MUC17: variants seen among roughly 807,000 people sequenced by gnomAD.
MUC17 encodes the protein mucin 17, cell surface associated.
MUC17 carries 190 observed loss-of-function variants against 170.3 expected under a neutral mutation model. The observed-to-expected ratio is 1.12, with a 90% CI of 0.99 to 1.26. MUC17 has a LOEUF of 1.26. Ranked by LOEUF, MUC17 falls within the 50% of genes most tolerant of loss-of-function variation. MUC17 has a pLI of 0.00. For synonymous variants in MUC17, 2,325 were observed against 2,002.5 expected (o/e 1.16, Z -4.30); for missense variants, 6,415 against 5,530.0 (o/e 1.16, Z -5.08).
rs755975956 is a variant in MUC17, at chr7:101,032,229, T to C, written c.813T>C (p.Ser271=). 2.5e-6 allele frequency: 4 copies of C among 1,614,050 alleles called. No individual in the cohort carries two copies. Among genetic ancestry groups the C allele is most frequent in the South Asian group, 2.2e-5 (2 of 91,080 alleles). The change falls in exon 3 of 13, where the codon AGT becomes AGC. Residue 271 remains serine, a synonymous_variant. Coordinates refer to ENST00000306151, the MANE Select transcript of MUC17 (RefSeq NM_001040105.2). ...EGPSLSNSAP[S]GGSTPLTRMP... Reference sequence around the variant, plus strand: ...CCAGCCTGTCAAACTCAGCTCCTAGTGGAGGAAGCACTCCATTAACAAGAA... The same window carrying C: ...CCAGCCTGTCAAACTCAGCTCCTAGCGGAGGAAGCACTCCATTAACAAGAA...
chr7:101,050,355 C>T, intron 6 of MUC17, 129 bp from the exon 7 acceptor site: 2 of 1,347,918 alleles, frequency 1.5e-6, no homozygotes, highest in South Asian at 1.5e-5. Flanking sequence ...AGGACAGAGT[C>T]ATCACCCCAA....
Position 101,032,238 on chromosome 7 carries a change from C to A in MUC17, c.822C>A (p.Ser274Arg). The change falls in exon 3 of 13, where the codon AGC becomes AGA. Residue 274 changes from serine (S) to arginine (R), a missense_variant. Transcript: ENST00000306151. ...SLSNSAPSGG[S>R]TPLTRMPLSV... is the part of the protein sequence containing the mutation. Reference sequence around the variant, plus strand: ...CAAACTCAGCTCCTAGTGGAGGAAGCACTCCATTAACAAGAATGCCTCTCA... The same window carrying A: ...CAAACTCAGCTCCTAGTGGAGGAAGAACTCCATTAACAAGAATGCCTCTCA... 6.2e-7 allele frequency: 1 copy of A among 1,614,088 alleles called. No individual in the cohort carries two copies. The highest frequency in any genetic ancestry group is 8.5e-7 in the Non-Finnish European group (1 of 1,179,950).
chr7:101,035,403 C>T lies in MUC17; in HGVS notation c.3987C>T (p.Thr1329=). 6.2e-7 allele frequency: 1 copy of T among 1,607,086 alleles called. No homozygotes were observed. Among genetic ancestry groups the T allele is most frequent in the Non-Finnish European group, 8.5e-7 (1 of 1,175,398 alleles). The change falls in exon 3 of 13, where the codon ACC becomes ACT. Residue 1329 remains threonine (T), a synonymous_variant. Coordinates refer to ENST00000306151, the MANE Select transcript of MUC17 (RefSeq NM_001040105.2). The part of the protein sequence containing the change: ...PTPAEGTSMP[T]STYSEGRTPL... ...CTGCTGAAGGTACCAGCATGCCAACCTCAACTTATAGTGAAGGAAGAACTC... is the reference window on the plus strand; with the variant it reads ...CTGCTGAAGGTACCAGCATGCCAACTTCAACTTATAGTGAAGGAAGAACTC...
In MUC17 at chr7:101,038,752, A is replaced by C; in HGVS notation, c.7336A>C (p.Ile2446Leu). 1 of 1,612,412 alleles carries C rather than the reference A, an allele frequency of 6.2e-7. No homozygotes were observed. Among genetic ancestry groups the C allele is most frequent in the Non-Finnish European group, 8.5e-7 (1 of 1,179,106 alleles). ...SSPTTAEGTS[I>L]PTSPPSEGTT... Reference sequence around the variant, plus strand: ...TCCTACAACTGCTGAAGGTACCAGCATACCAACCTCACCTCCTAGTGAAGG... The same window carrying C: ...TCCTACAACTGCTGAAGGTACCAGCCTACCAACCTCACCTCCTAGTGAAGG... Residue 2446 changes from isoleucine to leucine, a missense_variant, in exon 3 of 13, where the codon ATA (isoleucine) becomes CTA (leucine). Ile to Leu is a conservative substitution (Grantham distance 5, BLOSUM62 2). Coordinates refer to ENST00000306151, the MANE Select transcript of MUC17 (RefSeq NM_001040105.2).
intron 3 of MUC17, among the ~76,000 whole-genome samples, chr7:101,045,028 CT>C (rs1794811972): frequency 6.6e-6 from 1 of 152,152 alleles, no homozygotes; most frequent in South Asian, 2.1e-4. Context: ...ACTCAGCCTT[CT>C]TCTCTCTTGT....
rs1794456713 is a variant in MUC17, at chr7:101,035,793, T to C, written c.4377T>C (p.Ser1459=). ...GTGAAGGAAAGACTCCATTAAAAAG[T>C]ATACCTGTCAGCAACACGCCGGTGG... is the stretch of plus-strand genomic sequence containing the variant. ...TPSEGKTPLK[S]IPVSNTPVAN... Residue 1459 remains serine, a synonymous_variant, in exon 3 of 13, where the codon AGT becomes AGC. Coordinates refer to ENST00000306151, the MANE Select transcript of MUC17 (RefSeq NM_001040105.2). 1 of 1,607,970 alleles carries C rather than the reference T, an allele frequency of 6.2e-7. No homozygotes were observed. The highest frequency in any genetic ancestry group is 2.2e-5 in the East Asian group (1 of 44,832).
chr7:101,038,858 T>C lies in MUC17; in HGVS notation c.7442T>C (p.Val2481Ala), dbSNP rs1357624046. 3 of 1,612,186 alleles carry C rather than the reference T, an allele frequency of 1.9e-6. No individual in the cohort carries two copies. In the South Asian group the frequency reaches 3.3e-5, roughly 18 times the overall value. ...GCTGGCACCCTTTCCACAACTCCTG[T>C]TGACACCAGCACACCTATGACCACT... The part of the protein sequence containing the change: ...SEAGTLSTTP[V>A]DTSTPMTTST... Residue 2481 changes from valine to alanine, a missense_variant, in exon 3 of 13, where the codon GTT becomes GCT. By Grantham distance (64) the Val-to-Ala change is moderately conservative. Transcript: ENST00000306151.
In MUC17 at chr7:101,042,253, A is replaced by T; in HGVS notation, c.10837A>T (p.Ser3613Cys). Residue 3613 changes from serine (S) to cysteine (C), a missense_variant, in exon 3 of 13, where the codon AGC becomes TGC. Coordinates refer to ENST00000306151, the MANE Select transcript of MUC17 (RefSeq NM_001040105.2). ...RSTPVTTSTQ[S>C]NSTPTPPEVI... ...CACACCTGTGACCACTTCTACTCAG[A>T]GCAATTCTACTCCTACACCTCCTGA... is the stretch of plus-strand genomic sequence containing the variant. The T allele has an allele frequency of 6.2e-7, 1 of 1,612,850 alleles. No individual in the cohort carries two copies. Among genetic ancestry groups the T allele is most frequent in the Non-Finnish European group, 8.5e-7 (1 of 1,179,740 alleles).
chr7:101,050,715 G>T, intron 7 of MUC17, 80 bp downstream of exon 7: 2 of 1,524,170 alleles, frequency 1.3e-6, no homozygotes, highest in Admixed American at 2.0e-5. Context: ...AGGAGGGCGG[G>T]AGTGAGGATG....
In MUC17 at chr7:101,032,782, A is replaced by G. The variant is rs1333708917; in HGVS notation, c.1366A>G (p.Ser456Gly). The change falls in exon 3 of 13, where the codon AGT becomes GGT. Residue 456 changes from serine (S) to glycine (G), a missense_variant. Transcript: ENST00000306151. ...TAGTGAAGGAAGCACTCCATTAACAAGTATGCCTGTCAGCACCACTCCAGT... is the reference window on the plus strand; with the variant it reads ...TAGTGAAGGAAGCACTCCATTAACAGGTATGCCTGTCAGCACCACTCCAGT... Reference protein sequence around the residue: ...TPSEGSTPLTSMPVSTTPVAS... With the variant: ...TPSEGSTPLTGMPVSTTPVAS... The G allele has an allele frequency of 2.5e-6, 4 of 1,614,058 alleles. No homozygotes were observed. Among genetic ancestry groups the G allele is most frequent in the Non-Finnish European group, 2.5e-6 (3 of 1,180,030 alleles).
chr7:101,058,310 T>C lies in MUC17; in HGVS notation c.*266T>C, dbSNP rs1425579316. On this transcript the variant is annotated 3_prime_UTR_variant, in exon 13 of 13. Transcript: ENST00000306151. ...TTCAAAGACGCTCCAGATTTGAGGGTACTCTGACTGCAACATCTTTCACCC... is the reference window on the plus strand; with the variant it reads ...TTCAAAGACGCTCCAGATTTGAGGGCACTCTGACTGCAACATCTTTCACCC... The C allele has an allele frequency of 3.1e-6, 1 of 326,270 alleles. No homozygotes were observed. Among genetic ancestry groups the C allele is most frequent in the Non-Finnish European group, 5.7e-6 (1 of 176,782 alleles). The allele number at this position is 326,270 out of a possible 1,614,324, so 20.2% of individuals were successfully genotyped here.
intron 1 of MUC17, among the ~76,000 whole-genome samples, chr7:101,023,910 T>G (rs998396256): frequency 2.0e-5 from 3 of 152,206 alleles, no homozygotes; most frequent in Non-Finnish European, 4.4e-5. Context: ...TTTTTGGCTT[T>G]TTAATAACGA....
At position 101,030,268 on chromosome 7, in the gene MUC17, G is replaced by A. The variant is rs375122647; in HGVS notation, c.83-852G>A. ...TTTTGAGTCTTGCCCTGTCACCCAGGCTGGAGTACAGTGGTGTGATCTTGG... is the reference window on the plus strand; with the variant it reads ...TTTTGAGTCTTGCCCTGTCACCCAGACTGGAGTACAGTGGTGTGATCTTGG... On this transcript the variant is annotated intron_variant, in intron 1 of 12. Transcript: ENST00000306151. Among the ~76,000 whole-genome samples the A allele has an allele frequency of 3.3e-5, 5 of 150,020 alleles. No homozygotes were observed. The East Asian group carries it at 7.8e-4, about 23-fold the overall frequency.
In MUC17 at chr7:101,057,918, C is replaced by T. The variant is rs1009839992; in HGVS notation, c.13441-85C>T. On this transcript the variant is annotated intron_variant, in intron 12 of 12. Transcript: ENST00000306151. Reference sequence around the variant, plus strand: ...AAAATAAAAATAATTAAACAGAACACTTCCTATCCCAATCCTCCTTATGCT... The same window carrying T: ...AAAATAAAAATAATTAAACAGAACATTTCCTATCCCAATCCTCCTTATGCT... The T allele has an allele frequency of 3.9e-5, 46 of 1,166,866 alleles. No homozygotes were observed. The African/African-American group carries it at 6.5e-4, about 16-fold the overall frequency. The allele number at this position is 1,166,866 out of a possible 1,614,324, so 72.3% of individuals were successfully genotyped here.
chr7:101,051,992 GC>G (rs752651182), intron 9 of MUC17, 30 bp downstream of exon 9: 1 of 1,594,324 alleles, frequency 6.3e-7, no homozygotes, highest in Non-Finnish European at 8.6e-7. Flanking sequence ...CTCCAGCCCA[GC>G]CCAGACGTCC....
chr7:101,031,272 A>T, intron 2 of MUC17, 51 bp downstream of exon 2: 1 of 1,577,924 alleles, frequency 6.3e-7, no homozygotes, highest in South Asian at 1.2e-5. Context: ...CACCTGCGAA[A>T]GGGCTAGAGC....
chr7:101,025,114 C>T (rs1229587386), intron 1 of MUC17, among the ~76,000 whole-genome samples: 1 of 152,110 alleles, frequency 6.6e-6, no homozygotes, highest in Non-Finnish European at 1.5e-5. Flanking sequence ...CCTGGAATCC[C>T]AGCACTTTGG....
At position 101,042,255 on chromosome 7, in the gene MUC17, C is replaced by A. The variant is rs1794737646; in HGVS notation, c.10839C>A (p.Ser3613Arg). Reference sequence around the variant, plus strand: ...CACCTGTGACCACTTCTACTCAGAGCAATTCTACTCCTACACCTCCTGAAG... The same window carrying A: ...CACCTGTGACCACTTCTACTCAGAGAAATTCTACTCCTACACCTCCTGAAG... The part of the protein sequence containing the change: ...RSTPVTTSTQ[S>R]NSTPTPPEVI... The change falls in exon 3 of 13, where the codon AGC becomes AGA. Residue 3613 changes from serine to arginine, a missense_variant. By Grantham distance (110) the Ser-to-Arg change is moderately radical. Transcript: ENST00000306151. The A allele has an allele frequency of 6.2e-7, 1 of 1,613,976 alleles. No individual in the cohort carries two copies. The highest frequency in any genetic ancestry group is 1.3e-5 in the African/African-American group (1 of 74,872).
In MUC17 at chr7:101,039,896, C is replaced by G. The variant is rs747710954; in HGVS notation, c.8480C>G (p.Ala2827Gly). The change falls in exon 3 of 13, where the codon GCT becomes GGT. Residue 2827 changes from alanine (A) to glycine (G), a missense_variant. Ala to Gly is a moderately conservative substitution (Grantham distance 60). Transcript: ENST00000306151. ...CACACGCCAGTGGCCAGTTCTGAGG[C>G]TGGCACCCTTTCAACAACTCCTGTT... ...VNHTPVASSE[A>G]GTLSTTPVDT... is the part of the protein sequence containing the mutation. The G allele has an allele frequency of 2.5e-6, 4 of 1,612,954 alleles. No homozygotes were observed. In the African/African-American group the frequency reaches 5.4e-5, roughly 22 times the overall value.
Sources: allele counts gnomAD v4.1 joint callset (sites outside exome capture counted in the v4.1 genomes callset), GRCh38; gene constraint gnomAD v4.1.1; transcripts MANE v1.5; gene names NCBI Gene and HGNC (gene_info 2026-07-23, HGNC 2026-07-21).